CDH4: variants seen among roughly 807,000 people sequenced by gnomAD.
CDH4 encodes cadherin 4.
Under a neutral mutation model 86.0 loss-of-function variants are expected in CDH4, and 33 were observed. That is an observed-to-expected ratio of 0.38 (90% CI 0.29 to 0.51). The LOEUF (loss-of-function observed/expected upper bound fraction) is 0.51. Ranked by LOEUF, CDH4 falls within the 20% of genes least tolerant of loss-of-function variation. CDH4 has a pLI of 0.86. For missense variants in CDH4, 1,114 were observed against 1,307.4 expected (o/e 0.85, Z 2.28); for synonymous variants, 555 against 549.4 (o/e 1.01, Z -0.14).
At chr20:61,584,277 T>C (rs1473475548) in intron 2 of CDH4, among the ~76,000 whole-genome samples, 1 of 152,208 alleles carries the variant, frequency 6.6e-6, no homozygotes, top group African/African-American at 2.4e-5. Context: ...TTCCAGAGTC[T>C]GGAATGTTCG....
intron 2 of CDH4, among the ~76,000 whole-genome samples, chr20:61,421,379 G>C (rs185061784): frequency 3.9e-5 from 6 of 152,360 alleles, no homozygotes; most frequent in African/African-American, 1.4e-4. Flanking sequence ...AGGGACTCAC[G>C]TGAAGTGCAT....
chr20:61,469,290 T>TA (rs1568856199), intron 2 of CDH4, among the ~76,000 whole-genome samples: 1 of 152,224 alleles, frequency 6.6e-6, no homozygotes, highest in Non-Finnish European at 1.5e-5. Flanking sequence ...TAGTTTAGAT[T>TA]TGCATTTCTG....
intron 4 of CDH4, among the ~76,000 whole-genome samples, chr20:61,794,926 G>C (rs1394840409): frequency 6.6e-6 from 1 of 151,942 alleles, no homozygotes; most frequent in Non-Finnish European, 1.5e-5. Context: ...CACTCCTGAA[G>C]TGGTTCCCTC....
rs909838479 is a variant in CDH4 at position 61,518,075 on chromosome 20, G to T, written c.170-225488G>T. Among the ~76,000 whole-genome samples, 5 of 152,290 alleles carry T rather than the reference G, an allele frequency of 3.3e-5. No homozygotes were observed. Among genetic ancestry groups the T allele is most frequent in the African/African-American group, 4.8e-5 (2 of 41,572 alleles). On this transcript the variant is annotated intron_variant, in intron 2 of 15. Coordinates refer to ENST00000614565, the MANE Select transcript of CDH4 (RefSeq NM_001794.5). This position sits in a 1 kb window ranked among gnomAD's most constrained non-coding sequence, Gnocchi z 6.3. Reference sequence around the variant, plus strand: ...GGCGCTATTTTCCCCATGCAGATAAGGCCCTCAGTTTTCTAAAGAATTTGC... The same window carrying T: ...GGCGCTATTTTCCCCATGCAGATAATGCCCTCAGTTTTCTAAAGAATTTGC...
chr20:61,535,799 G>T (rs2085992614), intron 2 of CDH4, among the ~76,000 whole-genome samples: 1 of 152,194 alleles, frequency 6.6e-6, no homozygotes, highest in Non-Finnish European at 1.5e-5. Flanking sequence ...CCGCCATGGG[G>T]AGAGTGTGGG....
chr20:61,804,579 T>A (rs1280971933), intron 4 of CDH4, among the ~76,000 whole-genome samples: 1 of 152,162 alleles, frequency 6.6e-6, no homozygotes, highest in Non-Finnish European at 1.5e-5. Context: ...ACCATATGGG[T>A]TCCCCTCTGA....
chr20:61,615,773 T>A (rs552940313), intron 2 of CDH4, among the ~76,000 whole-genome samples: 1 of 152,198 alleles, frequency 6.6e-6, no homozygotes, highest in African/African-American at 2.4e-5. Flanking sequence ...AAAGTGAGGG[T>A]AACTGAATCT....
chr20:61,900,061 A>G (rs1193047724), intron 8 of CDH4, among the ~76,000 whole-genome samples: 1 of 152,070 alleles, frequency 6.6e-6, no homozygotes, highest in East Asian at 1.9e-4. Flanking sequence ...GGCCAGGAAG[A>G]AGGGCAGCCC....
At chr20:61,429,791 G>T (rs62199130) in intron 2 of CDH4, among the ~76,000 whole-genome samples, 1 of 131,726 alleles carries the variant, frequency 7.6e-6, no homozygotes, top group Non-Finnish European at 1.6e-5. Context: ...GGATGGGTGG[G>T]TGGAAAGATG....
chr20:61,335,685 C>G (rs1457121747), intron 2 of CDH4, among the ~76,000 whole-genome samples: 5 of 152,184 alleles, frequency 3.3e-5, no homozygotes, highest in Non-Finnish European at 1.5e-5. Context: ...CTGAGTTCAC[C>G]TTTAGAGAAG....
At chr20:61,837,907 C>T (rs1264139150) in intron 4 of CDH4, among the ~76,000 whole-genome samples, 2 of 152,160 alleles carry the variant, frequency 1.3e-5, no homozygotes, top group Non-Finnish European at 2.9e-5. Context: ...CCTTCCTCCC[C>T]TCCCATCTCC....
chr20:61,406,198 G>T (rs2085080990), intron 2 of CDH4, among the ~76,000 whole-genome samples: 1 of 152,092 alleles, frequency 6.6e-6, no homozygotes, highest in South Asian at 2.1e-4. Flanking sequence ...CCAATACCTG[G>T]TTTCACCCCA....
At chr20:61,671,661 A>C (rs996143994) in intron 2 of CDH4, among the ~76,000 whole-genome samples, 21 of 146,184 alleles carry the variant, frequency 1.4e-4, no homozygotes, top group African/African-American at 4.9e-4. Context: ...GAATGGATGG[A>C]TAATGGATGG....
intron 2 of CDH4, among the ~76,000 whole-genome samples, chr20:61,568,224 C>T (rs2086314714): frequency 6.6e-6 from 1 of 152,114 alleles, no homozygotes; most frequent in African/African-American, 2.4e-5. Flanking sequence ...TTTTAGTTCC[C>T]ATAATCCCCA....
intron 2 of CDH4, among the ~76,000 whole-genome samples, chr20:61,545,195 C>T (rs1261322671): frequency 2.0e-5 from 3 of 152,244 alleles, no homozygotes; most frequent in African/African-American, 7.2e-5. Context: ...TTACTGCTCC[C>T]ATGTGGGAGC....
At chr20:61,920,585 T>C (rs959578748) in intron 9 of CDH4, among the ~76,000 whole-genome samples, 2 of 149,948 alleles carry the variant, frequency 1.3e-5, no homozygotes, top group Non-Finnish European at 3.0e-5. Flanking sequence ...TGTGGTGTGA[T>C]TGCGTGGAAG....
At chr20:61,781,622 G>A (rs1978548247) in intron 4 of CDH4, among the ~76,000 whole-genome samples, 1 of 152,234 alleles carries the variant, frequency 6.6e-6, no homozygotes, top group African/African-American at 2.4e-5. Flanking sequence ...CAGAGCTTCA[G>A]TGGGGCGGTG....
At chr20:61,314,731 C>A (rs2084467052) in intron 2 of CDH4, among the ~76,000 whole-genome samples, 1 of 152,182 alleles carries the variant, frequency 6.6e-6, no homozygotes, top group Non-Finnish European at 1.5e-5. Flanking sequence ...AATTTATCTT[C>A]CCAGCAACAG....
At chr20:61,339,899 T>G (rs2084641020) in intron 2 of CDH4, among the ~76,000 whole-genome samples, 1 of 152,190 alleles carries the variant, frequency 6.6e-6, no homozygotes, top group Admixed American at 6.5e-5. Context: ...ACTTAGAATG[T>G]TCGAAGGGAA....
Sources: allele counts gnomAD v4.1 joint callset (sites outside exome capture counted in the v4.1 genomes callset), GRCh38; gene constraint gnomAD v4.1.1; non-coding constraint Gnocchi (gnomAD v3.1); transcripts MANE v1.5; gene names NCBI Gene and HGNC (gene_info 2026-07-23, HGNC 2026-07-21).